The following MTMR10 variants were observed in gnomAD, a reference collection of about 807,000 sequenced individuals.
The protein encoded by MTMR10 is myotubularin related protein 10, also known as myotubularin-related protein 10.
In MTMR10, 56 loss-of-function variants were observed where a neutral mutation model predicts 88.1. That is an observed-to-expected ratio of 0.64 (90% confidence interval 0.51 to 0.79). The LOEUF is 0.79. Ranked by LOEUF, MTMR10 falls within the 30% of genes least tolerant of loss-of-function variation. The pLI is 0.00. For synonymous variants in MTMR10, 380 were observed against 340.9 expected (o/e 1.11, Z -1.26); for missense variants, 883 against 924.7 (o/e 0.95, Z 0.58).
chr15:30,957,328 A>G (rs951572446), intron 9 of MTMR10, among the ~76,000 whole-genome samples: 1 of 152,246 alleles, frequency 6.6e-6, no homozygotes, highest in Non-Finnish European at 1.5e-5. Flanking sequence ...AATAAATGTT[A>G]AAAACTCAGG....
At chr15:30,984,702 T>A (rs867707734) in intron 2 of MTMR10, among the ~76,000 whole-genome samples, 3 of 152,212 alleles carry the variant, frequency 2.0e-5, no homozygotes, top group African/African-American at 7.2e-5. Flanking sequence ...CAAAAGACTC[T>A]GACAATCACT....
downstream of MTMR10, among the ~76,000 whole-genome samples, chr15:30,935,892 T>G (rs1451292010): frequency 1.3e-5 from 2 of 152,222 alleles, no homozygotes; most frequent in Non-Finnish European, 1.5e-5. Flanking sequence ...ATCCCCTGAT[T>G]ATACAGTTGT....
chr15:30,944,775 C>T (rs1432452789), intron 14 of MTMR10, among the ~76,000 whole-genome samples: 1 of 151,858 alleles, frequency 6.6e-6, no homozygotes, highest in African/African-American at 2.4e-5. Flanking sequence ...CTTTGGGAAG[C>T]TGAGGTGGGC....
intron 14 of MTMR10, chr15:30,943,479 A>G: frequency 1.0e-6 from 1 of 985,458 alleles, no homozygotes; most frequent in Non-Finnish European, 1.2e-6. Flanking sequence ...GTGGATTAAC[A>G]AAATCTTTGG....
In MTMR10 at chr15:30,948,443, A is replaced by G; in HGVS notation, c.1236T>C (p.Cys412=). The change falls in exon 13 of 16, where the codon TGT becomes TGC. Residue 412 remains cysteine, a synonymous_variant. Coordinates refer to ENST00000435680, the MANE Select transcript of MTMR10 (RefSeq NM_017762.3). ...GCATCACTTGAACAAGAGAAGCTAC[A>G]CAACAGCTCAAGTCTCTTCCTTCCT... ...QEEEGRDLSC[C]VASLVQVMLD... 1 of 1,610,848 alleles carries G rather than the reference A, an allele frequency of 6.2e-7. No homozygotes were observed. The highest frequency in any genetic ancestry group is 1.1e-5 in the South Asian group (1 of 90,436).
At chr15:30,942,761 T>C in intron 15 of MTMR10, 129 bp downstream of exon 15, 1 of 936,890 alleles carries the variant, frequency 1.1e-6, no homozygotes, top group Non-Finnish European at 1.5e-6. Context: ...AAAAAGGGAA[T>C]GACCCCTCAG....
chr15:30,950,238 T>C (rs2063225172), intron 12 of MTMR10: 2 of 146,736 alleles, frequency 1.4e-5, no homozygotes, highest in Non-Finnish European at 3.1e-5. Context: ...CTGCATGCAT[T>C]TGTGAGTTAA....
chr15:30,986,410 T>C (rs758858420), intron 2 of MTMR10, among the ~76,000 whole-genome samples: 2 of 151,890 alleles, frequency 1.3e-5, no homozygotes, highest in Non-Finnish European at 1.5e-5. Context: ...TATAGTATTA[T>C]AATAATCTCA....
the MTMR10 span, chr15:30,929,352 T>C: frequency 6.2e-7 from 1 of 1,611,766 alleles, no homozygotes; most frequent in East Asian, 2.2e-5. Flanking sequence ...GCAGAGTGGC[T>C]TCCCTTGTCA....
At chr15:30,958,008 G>A (rs1282369005) in intron 9 of MTMR10, among the ~76,000 whole-genome samples, 1 of 152,198 alleles carries the variant, frequency 6.6e-6, no homozygotes, top group Non-Finnish European at 1.5e-5. Context: ...AAAGAAAGAG[G>A]AAGGCATCCA....
chr15:30,936,432 C>G (rs1008961538), downstream of MTMR10, among the ~76,000 whole-genome samples: 3 of 152,136 alleles, frequency 2.0e-5, no homozygotes, highest in Non-Finnish European at 4.4e-5. Flanking sequence ...GAAAATGTAA[C>G]AGAGTAATCG....
intron 9 of MTMR10, among the ~76,000 whole-genome samples, chr15:30,955,554 G>A (rs954104858): frequency 3.3e-5 from 5 of 152,166 alleles, no homozygotes; most frequent in South Asian, 2.1e-4. Flanking sequence ...ACAGGCGTGA[G>A]CCACCGCGCC....
chr15:30,940,657 A>G lies in MTMR10; in HGVS notation c.*813T>C. On this transcript the variant is annotated 3_prime_UTR_variant, in exon 16 of 16. Transcript: ENST00000435680. ...CACCTCTGTGGAATCAGCACCCCAG[A>G]GGCCACTCCCCAGTGGCTTTCAGAG... The G allele has an allele frequency of 7.1e-6, 7 of 986,558 alleles. No individual in the cohort carries two copies. The highest frequency in any genetic ancestry group is 8.4e-6 in the Non-Finnish European group (7 of 830,844). The allele number at this position is 986,558 out of a possible 1,614,324, so 61.1% of individuals were successfully genotyped here.
chr15:30,968,182 A>C, intron 5 of MTMR10, 172 bp from the exon 6 acceptor site: 34 of 447,108 alleles, frequency 7.6e-5, no homozygotes, highest in South Asian at 1.0e-4. Context: ...CAGGTATCTC[A>C]TTCACTTTCA....
At chr15:30,984,117 C>A (rs2030777895) in intron 2 of MTMR10, among the ~76,000 whole-genome samples, 1 of 152,134 alleles carries the variant, frequency 6.6e-6, no homozygotes, top group African/African-American at 2.4e-5. Context: ...TTGGGAAATA[C>A]TGAGAAATGA....
the MTMR10 span, chr15:30,928,564 G>A: frequency 5.0e-6 from 8 of 1,610,064 alleles, no homozygotes; most frequent in African/African-American, 1.4e-5. Context: ...GATTCATGGC[G>A]AAGGGTCCAC....
At chr15:30,929,221 T>TGCACAGACAGCTTCTTCACAA in the MTMR10 span, 1 of 1,612,658 alleles carries the variant, frequency 6.2e-7, no homozygotes, top group Non-Finnish European at 8.5e-7. Context: ...CCTGGACTTG[T>TGCACAGACAGCTTCTTCACAA]GCACAGACAG....
the MTMR10 span, chr15:30,929,155 C>A: frequency 6.4e-7 from 1 of 1,557,028 alleles, no homozygotes; most frequent in Non-Finnish European, 8.8e-7. Flanking sequence ...CTGGTGAACA[C>A]GGCTCTCTGC....
chr15:30,941,935 CT>C lies in MTMR10; in HGVS notation c.1868del (p.Gln623ArgfsTer32), dbSNP rs1343590899. 6.2e-7 allele frequency: 1 copy of C among 1,613,902 alleles called. No homozygotes were observed. Among genetic ancestry groups the C allele is most frequent in the Non-Finnish European group, 8.5e-7 (1 of 1,179,908 alleles). ...TAAAATACTGCTCCGTATCACTGTT[CT>C]GGCTGTCGGTTTGCTGAGCTGGATC... Reference protein sequence around the residue: ...KPDPAQQTDSQNSDTEQYFRE... With the variant: ...KPDPAQQTDSXNSDTEQYFRE... On this transcript the variant is annotated frameshift_variant, in exon 16 of 16. Coordinates refer to ENST00000435680, the MANE Select transcript of MTMR10 (RefSeq NM_017762.3). LOFTEE classifies it low-confidence loss of function (END_TRUNC).
Sources: allele counts gnomAD v4.1 joint callset (sites outside exome capture counted in the v4.1 genomes callset), GRCh38; gene constraint gnomAD v4.1.1; transcripts MANE v1.5; gene names NCBI Gene and HGNC (gene_info 2026-07-23, HGNC 2026-07-21).